The following DNM3 variants were observed in gnomAD, a reference collection of about 807,000 sequenced individuals.
The protein encoded by DNM3 is dynamin 3.
In DNM3, 47 loss-of-function variants were observed where a neutral mutation model predicts 101.6. The observed-to-expected ratio is 0.46, with a 90% CI of 0.37 to 0.59. The LOEUF (loss-of-function observed/expected upper bound fraction) is 0.59. DNM3 is among the 20% of genes least tolerant of loss of function. DNM3 has a pLI of 0.00. For missense variants in DNM3, 849 were observed against 1,085.7 expected (o/e 0.78, Z 3.06); for synonymous variants, 385 against 387.9 (o/e 0.99, Z 0.09).
chr1:172,188,570 T>C (rs1036824741), intron 14 of DNM3, among the ~76,000 whole-genome samples: 5 of 152,096 alleles, frequency 3.3e-5, no homozygotes, highest in African/African-American at 1.2e-4. Context: ...TGTTTACCCA[T>C]TCACCCATAG....
intron 1 of DNM3, among the ~76,000 whole-genome samples, chr1:171,916,395 AT>A (rs1204094442): frequency 6.6e-6 from 1 of 152,162 alleles, no homozygotes; most frequent in Non-Finnish European, 1.5e-5. Flanking sequence ...ATCTTCCTTT[AT>A]TTCCTGTCCT....
chr1:172,007,807 A>C (rs149090753), intron 4 of DNM3, among the ~76,000 whole-genome samples: 1 of 152,144 alleles, frequency 6.6e-6, no homozygotes, highest in East Asian at 1.9e-4. Context: ...TGCTCTTTAC[A>C]TATACTGGAG....
chr1:171,898,701 T>C (rs1169123752), intron 1 of DNM3, among the ~76,000 whole-genome samples: 4 of 79,304 alleles, frequency 5.0e-5, no homozygotes, highest in Non-Finnish European at 8.1e-5. Context: ...TACATATATA[T>C]ATATAGAGAG....
intron 2 of DNM3, among the ~76,000 whole-genome samples, chr1:171,939,788 T>C (rs1323188889): frequency 6.6e-6 from 1 of 152,170 alleles, no homozygotes. Flanking sequence ...TTGATAATAA[T>C]TGTTACTTAC....
intron 17 of DNM3, among the ~76,000 whole-genome samples, chr1:172,369,468 TCAACA>T (rs1254066747): frequency 6.6e-6 from 1 of 151,900 alleles, no homozygotes; most frequent in Non-Finnish European, 1.5e-5. Context: ...GGAATTTAAC[TCAACA>T]CAATAAAGGG....
At chr1:171,979,580 T>G (rs923097360) in intron 2 of DNM3, among the ~76,000 whole-genome samples, 6 of 152,182 alleles carry the variant, frequency 3.9e-5, no homozygotes, top group Non-Finnish European at 8.8e-5. Context: ...GGATTCTGAT[T>G]GTTGTTTTGG....
At chr1:171,870,408 C>T (rs1020135849) in intron 1 of DNM3, among the ~76,000 whole-genome samples, 3 of 151,970 alleles carry the variant, frequency 2.0e-5, no homozygotes, top group Admixed American at 6.6e-5. Context: ...AAAACCTCTG[C>T]AGCCTGGGCG....
At chr1:171,875,366 C>T (rs1341231245) in intron 1 of DNM3, among the ~76,000 whole-genome samples, 1 of 152,164 alleles carries the variant, frequency 6.6e-6, no homozygotes, top group East Asian at 1.9e-4. Context: ...ATTACTTTGT[C>T]TGAATTGTTT....
At chr1:172,066,479 A>G (rs1224201137) in intron 10 of DNM3, among the ~76,000 whole-genome samples, 1 of 152,090 alleles carries the variant, frequency 6.6e-6, no homozygotes, top group African/African-American at 2.4e-5. Flanking sequence ...CTTCTTATAA[A>G]GCTACCAGTC....
chr1:172,207,668 G>A (rs1452849333), intron 14 of DNM3, among the ~76,000 whole-genome samples: 1 of 151,908 alleles, frequency 6.6e-6, no homozygotes, highest in African/African-American at 2.4e-5. Context: ...TTGTTTCTTT[G>A]TTTTTATGTG....
intron 20 of DNM3, among the ~76,000 whole-genome samples, chr1:172,406,537 G>A (rs2070900207): frequency 6.6e-6 from 1 of 151,960 alleles, no homozygotes; most frequent in African/African-American, 2.4e-5. Flanking sequence ...AGTGCATGAG[G>A]TAAAAGGAAT....
chr1:172,179,398 T>A (rs10489298), intron 14 of DNM3, among the ~76,000 whole-genome samples: 2 of 151,892 alleles, frequency 1.3e-5, no homozygotes, highest in East Asian at 1.9e-4. Flanking sequence ...ATGAACGTGC[T>A]TTGAAAAGTT....
In DNM3 at chr1:172,045,356, A is replaced by G. The variant is rs530133995; in HGVS notation, c.1196+904A>G. ...GAAAATCCTAGGTCAGGGTGTGAGC[A>G]TGGTCGGGTTCTGGTGAGATCCCTT... On this transcript the variant is annotated intron_variant, in intron 9 of 20. Coordinates refer to ENST00000627582, the MANE Select transcript of DNM3 (RefSeq NM_015569.5). 7.9e-5 allele frequency among the ~76,000 whole-genome samples: 12 copies of G among 152,260 alleles called. No homozygotes were observed. In the East Asian group the frequency reaches 2.3e-3, roughly 29 times the overall value.
chr1:172,062,354 G>C (rs1395045541), intron 10 of DNM3, among the ~76,000 whole-genome samples: 2 of 152,192 alleles, frequency 1.3e-5, no homozygotes, highest in East Asian at 3.9e-4. Flanking sequence ...TGACTACTCT[G>C]CGGCACCCAA....
rs1416040927 is a variant in DNM3 at position 171,887,748 on chromosome 1, A to G, written c.162-34000A>G. ...TTTTGTGTAACTTAAATATGTGTCA[A>G]TGTATATGCATATCTGTAGATTTGA... is the stretch of plus-strand genomic sequence containing the variant. On this transcript the variant is annotated intron_variant, in intron 1 of 20. Coordinates refer to ENST00000627582, the MANE Select transcript of DNM3 (RefSeq NM_015569.5). Among the ~76,000 whole-genome samples the G allele has an allele frequency of 3.9e-5, 6 of 152,180 alleles. 1 individual carries two copies. Among genetic ancestry groups the G allele is most frequent in the African/African-American group, 1.4e-4 (6 of 41,450 alleles).
At chr1:171,897,778 C>T (rs879819566) in intron 1 of DNM3, among the ~76,000 whole-genome samples, 4 of 152,076 alleles carry the variant, frequency 2.6e-5, no homozygotes, top group Non-Finnish European at 5.9e-5. Context: ...ATTTTTCATA[C>T]AATCTGTGTT....
At chr1:172,404,566 A>G (rs912709686) in intron 20 of DNM3, among the ~76,000 whole-genome samples, 3 of 152,052 alleles carry the variant, frequency 2.0e-5, no homozygotes, top group Non-Finnish European at 4.4e-5. Flanking sequence ...ACTGTGCCAT[A>G]AGAGTACTTA....
chr1:172,260,733 C>A (rs1344859134), intron 15 of DNM3, among the ~76,000 whole-genome samples: 1 of 151,718 alleles, frequency 6.6e-6, no homozygotes, highest in Non-Finnish European at 1.5e-5. Context: ...TTTCTGATTT[C>A]TTTGTATTGT....
chr1:172,305,199 A>G (rs2757497), intron 15 of DNM3, among the ~76,000 whole-genome samples: 14,168 of 152,238 alleles, frequency 0.093, 873 homozygotes, highest in African/African-American at 0.17. Context: ...GATAAAGGGG[A>G]TATCATCACC....
Sources: allele counts gnomAD v4.1 joint callset (sites outside exome capture counted in the v4.1 genomes callset), GRCh38; gene constraint gnomAD v4.1.1; transcripts MANE v1.5; gene names NCBI Gene and HGNC (gene_info 2026-07-23, HGNC 2026-07-21).